MTMR7: variants seen among roughly 807,000 people sequenced by gnomAD.
The protein encoded by MTMR7 is myotubularin related protein 7.
In MTMR7, 76 loss-of-function variants were observed where a neutral mutation model predicts 81.2. That is an observed-to-expected ratio of 0.94 (90% CI 0.78 to 1.13). MTMR7 has a LOEUF of 1.13. Among genes scored for constraint, MTMR7 ranks in the 50% most tolerant of loss-of-function variants. The probability of loss-of-function intolerance (pLI) is 0.00; values close to 1 mark genes in which losing one functional copy is unlikely to be tolerated. For synonymous variants in MTMR7, 372 were observed against 289.8 expected (o/e 1.28, Z -2.88); for missense variants, 1,044 against 820.0 (o/e 1.27, Z -3.34).
At chr8:17,334,442 T>A (rs1295010390) in intron 6 of MTMR7, among the ~76,000 whole-genome samples, 1 of 152,170 alleles carries the variant, frequency 6.6e-6, no homozygotes, top group African/African-American at 2.4e-5. Context: ...TCCTAAAAGT[T>A]CTCAAGTAGA....
chr8:17,411,303 C>A (rs1170610385), intron 1 of MTMR7, among the ~76,000 whole-genome samples: 2 of 152,126 alleles, frequency 1.3e-5, no homozygotes, highest in South Asian at 4.2e-4. Context: ...CATGTTAAGA[C>A]GGCTCTTCTA....
intron 6 of MTMR7, 32 bp from the exon 7 acceptor site, chr8:17,331,314 A>C: frequency 6.4e-7 from 1 of 1,552,814 alleles, no homozygotes; most frequent in African/African-American, 1.4e-5. Flanking sequence ...AACAGTCATC[A>C]ATTACATTGA....
chr8:17,401,708 G>T (rs1173254155), intron 1 of MTMR7, among the ~76,000 whole-genome samples: 1 of 152,118 alleles, frequency 6.6e-6, no homozygotes, highest in Non-Finnish European at 1.5e-5. Flanking sequence ...GAGAAAAAGA[G>T]GAGTGAAGGG....
At chr8:17,306,166 G>C (rs770178033) in intron 10 of MTMR7, among the ~76,000 whole-genome samples, 1 of 152,042 alleles carries the variant, frequency 6.6e-6, no homozygotes, top group East Asian at 1.9e-4. Flanking sequence ...GAAGGGATGC[G>C]TTCACGTTAT....
intron 5 of MTMR7, among the ~76,000 whole-genome samples, chr8:17,342,493 G>A (rs1563347339): frequency 2.0e-5 from 3 of 152,148 alleles, no homozygotes; most frequent in Non-Finnish European, 2.9e-5. Context: ...CATCCATGAA[G>A]GGGCACCCCA....
chr8:17,316,209 T>C (rs1818058952), intron 7 of MTMR7, among the ~76,000 whole-genome samples: 1 of 152,088 alleles, frequency 6.6e-6, no homozygotes, highest in Non-Finnish European at 1.5e-5. Context: ...AGCCTCTGTA[T>C]CAAACTGTTA....
At chr8:17,302,498 C>G (rs1304053887) in intron 12 of MTMR7, 5 of 475,732 alleles carry the variant, frequency 1.1e-5, no homozygotes, top group East Asian at 6.6e-5. Context: ...TATGAAAAGT[C>G]TGCCTGTATA....
rs533139654 is a variant in MTMR7, at chr8:17,368,028, C to G, written c.310+3009G>C. ...TTTTGTCCTCTGTAGCAGCGGTCCA[C>G]AACCTTTTCGGTACCAGGGACCAGC... On this transcript the variant is annotated intron_variant, in intron 3 of 13. Coordinates refer to ENST00000180173, the MANE Select transcript of MTMR7 (RefSeq NM_004686.5). Among the ~76,000 whole-genome samples the G allele has an allele frequency of 5.3e-5, 8 of 152,210 alleles. No individual in the cohort carries two copies. In the South Asian group the frequency reaches 1.7e-3, roughly 32 times the overall value.
chr8:17,320,692 C>T (rs1220835108), intron 7 of MTMR7, among the ~76,000 whole-genome samples: 2 of 152,206 alleles, frequency 1.3e-5, no homozygotes, highest in Non-Finnish European at 2.9e-5. Flanking sequence ...GCAAGCTCGG[C>T]CCTTCTGGAG....
At chr8:17,412,116 T>G (rs1821751559) in intron 1 of MTMR7, among the ~76,000 whole-genome samples, 2 of 152,216 alleles carry the variant, frequency 1.3e-5, no homozygotes, top group African/African-American at 4.8e-5. Flanking sequence ...TCAATACAAT[T>G]TAAATTTACT....
At chr8:17,350,700 C>G (rs963376770) in intron 4 of MTMR7, among the ~76,000 whole-genome samples, 1 of 152,176 alleles carries the variant, frequency 6.6e-6, no homozygotes, top group East Asian at 1.9e-4. Context: ...AAACCCACAA[C>G]TGAAATCCAA....
chr8:17,347,767 C>G (rs561622720), intron 5 of MTMR7, among the ~76,000 whole-genome samples: 1 of 152,298 alleles, frequency 6.6e-6, no homozygotes, highest in African/African-American at 2.4e-5. Context: ...TAAGTTTTAG[C>G]TATTTTAATG....
rs182819873 is a variant in MTMR7, at chr8:17,374,321, C to G, written c.25-1081G>C. ...GCCAACGTGGTGAAATCCCACGTCT[C>G]TACTAAAAATACAAAAATTGGCCGG... On this transcript the variant is annotated intron_variant, in intron 1 of 13. Transcript: ENST00000180173. 3.6e-4 allele frequency among the ~76,000 whole-genome samples: 54 copies of G among 152,074 alleles called. 1 individual carries two copies. The East Asian group carries it at 9.7e-3, about 27-fold the overall frequency.
At chr8:17,304,038 A>C (rs1196975816) in intron 12 of MTMR7, among the ~76,000 whole-genome samples, 1 of 152,238 alleles carries the variant, frequency 6.6e-6, no homozygotes, top group Non-Finnish European at 1.5e-5. Flanking sequence ...TTAACACGTC[A>C]TGATCACTGT....
intron 5 of MTMR7, among the ~76,000 whole-genome samples, chr8:17,343,251 A>G (rs10089716): frequency 0.027 from 4,150 of 152,062 alleles, 187 homozygotes; most frequent in African/African-American, 0.095. Flanking sequence ...ACATGGTGAA[A>G]CCCCATCACT....
chr8:17,388,068 G>C (rs1324918144), intron 1 of MTMR7, among the ~76,000 whole-genome samples: 2 of 152,184 alleles, frequency 1.3e-5, no homozygotes, highest in Non-Finnish European at 2.9e-5. Flanking sequence ...CAAGAAAAAA[G>C]TGCCCATTTT....
chr8:17,323,086 T>C (rs1417133766), intron 7 of MTMR7, among the ~76,000 whole-genome samples: 1 of 151,726 alleles, frequency 6.6e-6, no homozygotes, highest in Non-Finnish European at 1.5e-5. Context: ...TAGCTGGGAC[T>C]ACAGGCATAC....
chr8:17,310,294 C>A (rs1817713209), intron 9 of MTMR7, among the ~76,000 whole-genome samples: 1 of 152,144 alleles, frequency 6.6e-6, no homozygotes, highest in South Asian at 2.1e-4. Context: ...AGCTACCACA[C>A]CCAGCCTGGA....
chr8:17,335,700 G>C (rs767413584), intron 6 of MTMR7, among the ~76,000 whole-genome samples: 2 of 152,234 alleles, frequency 1.3e-5, no homozygotes, highest in African/African-American at 2.4e-5. Context: ...ACACAAACAT[G>C]TGAGTTGATT....
Sources: allele counts gnomAD v4.1 joint callset (sites outside exome capture counted in the v4.1 genomes callset), GRCh38; gene constraint gnomAD v4.1.1; transcripts MANE v1.5; gene names NCBI Gene and HGNC (gene_info 2026-07-23, HGNC 2026-07-21).